Variants in PARD3B observed in about 807,000 individuals in gnomAD.
PARD3B encodes partitioning defective 3 homolog B.
A neutral mutation model predicts 130.2 loss-of-function variants in PARD3B; 103 were observed. The observed-to-expected ratio is 0.79, with a 90% CI of 0.67 to 0.93. The LOEUF is 0.93. Ranked by LOEUF, PARD3B falls within the 40% of genes least tolerant of loss-of-function variation. The pLI, the probability that PARD3B is intolerant of heterozygous loss-of-function variation, is 0.00. For missense variants in PARD3B, 1,609 were observed against 1,499.2 expected, an observed-to-expected ratio of 1.07 and a Z score of -1.21; for synonymous variants, 583 against 553.2, an observed-to-expected ratio of 1.05 and a Z score of -0.76.
intron 2 of PARD3B, among the ~76,000 whole-genome samples, chr2:204,776,660 A>AGGG (rs1445688057): frequency 6.6e-6 from 1 of 151,644 alleles, no homozygotes; most frequent in African/African-American, 2.4e-5. Flanking sequence ...AAACTTGCCT[A>AGGG]CCGTTCTGTG....
At position 205,381,060 on chromosome 2, in the gene PARD3B, G is replaced by GAATATAT. The variant is rs2045405290; in HGVS notation, c.2631-19951_2631-19945dup. Among the ~76,000 whole-genome samples, 4 of 63,620 alleles carry GAATATAT rather than the reference G, an allele frequency of 6.3e-5. No individual in the cohort carries two copies. In the East Asian group the frequency reaches 9.6e-4, roughly 15 times the overall value. The allele number at this position is 63,620 out of a possible 152,430, so 41.7% of individuals were successfully genotyped here. Reference sequence around the variant, plus strand: ...ATAAAGAATATATATTATATATAAAGAATATATATTATATATATTATATAT... The same window carrying GAATATAT: ...ATAAAGAATATATATTATATATAAAGAATATATAATATATATTATATATATTATATAT... On this transcript the variant is annotated intron_variant, in intron 18 of 22. Transcript: ENST00000406610.
At chr2:205,435,393 G>A (rs780155162) in intron 19 of PARD3B, among the ~76,000 whole-genome samples, 2 of 151,898 alleles carry the variant, frequency 1.3e-5, no homozygotes, top group Admixed American at 6.6e-5. Flanking sequence ...AGCACTTTGT[G>A]TGTTTTTCTT....
At chr2:205,395,420 C>A (rs1319941751) in intron 18 of PARD3B, among the ~76,000 whole-genome samples, 2 of 152,174 alleles carry the variant, frequency 1.3e-5, no homozygotes, top group African/African-American at 4.8e-5. Context: ...TCTTTTGCAA[C>A]CACATTCTCT....
At chr2:204,772,391 A>G (rs16836603) in intron 2 of PARD3B, among the ~76,000 whole-genome samples, 2,090 of 152,156 alleles carry the variant, frequency 0.014, 40 homozygotes, top group African/African-American at 0.048. Context: ...GTTTGGAAAA[A>G]AGTCTAATTC....
chr2:205,529,047 C>T (rs2051465634), intron 21 of PARD3B, among the ~76,000 whole-genome samples: 1 of 152,084 alleles, frequency 6.6e-6, no homozygotes, highest in African/African-American at 2.4e-5. Flanking sequence ...AAATTAACTT[C>T]CAACATATTT....
chr2:205,123,433 A>G (rs2030995214), intron 8 of PARD3B, among the ~76,000 whole-genome samples: 1 of 152,100 alleles, frequency 6.6e-6, no homozygotes, highest in Non-Finnish European at 1.5e-5. Flanking sequence ...CATTGGAGCC[A>G]TAGAGATTTA....
chr2:204,760,083 G>A (rs1390909266), intron 2 of PARD3B, among the ~76,000 whole-genome samples: 3 of 152,060 alleles, frequency 2.0e-5, no homozygotes, highest in Non-Finnish European at 4.4e-5. Flanking sequence ...GAGCATTAAA[G>A]TAGCCAAATA....
At chr2:205,588,789 A>G (rs1291292841) in intron 22 of PARD3B, among the ~76,000 whole-genome samples, 1 of 152,240 alleles carries the variant, frequency 6.6e-6, no homozygotes, top group Non-Finnish European at 1.5e-5. Flanking sequence ...TTGCTAGTCC[A>G]TGTCATGGCG....
At chr2:204,737,083 A>G (rs1385839519) in intron 2 of PARD3B, among the ~76,000 whole-genome samples, 1 of 152,056 alleles carries the variant, frequency 6.6e-6, no homozygotes, top group Non-Finnish European at 1.5e-5. Context: ...AGTAGCTGGA[A>G]TTACAGCTAT....
intron 3 of PARD3B, among the ~76,000 whole-genome samples, chr2:205,009,343 G>T (rs913030398): frequency 1.3e-5 from 2 of 152,160 alleles, no homozygotes; most frequent in Admixed American, 1.3e-4. Context: ...AAGAAAGTAT[G>T]TTAATCACAT....
rs1042511655 is a variant in PARD3B at position 204,834,986 on chromosome 2, T to C, written c.223-130166T>C. Among the ~76,000 whole-genome samples the C allele has an allele frequency of 2.6e-5, 4 of 152,338 alleles. No homozygotes were observed. The South Asian group carries it at 8.3e-4, about 32-fold the overall frequency. ...GTCCTAGTGTCACCACTTACCTTGT[T>C]CATTAGACCTGGTACAAGTCACTTA... On this transcript the variant is annotated intron_variant, in intron 2 of 22. Coordinates refer to ENST00000406610, the MANE Select transcript of PARD3B (RefSeq NM_001302769.2).
chr2:204,817,278 A>G (rs2043181314), intron 2 of PARD3B, among the ~76,000 whole-genome samples: 1 of 151,568 alleles, frequency 6.6e-6, no homozygotes, highest in East Asian at 1.9e-4. Context: ...TGGTTGCCAG[A>G]CTATTACCTT....
intron 20 of PARD3B, among the ~76,000 whole-genome samples, chr2:205,468,426 T>C (rs2048708549): frequency 6.6e-6 from 1 of 152,256 alleles, no homozygotes; most frequent in Non-Finnish European, 1.5e-5. Context: ...AAGTCGTGCC[T>C]GTAAAAGATG....
At chr2:205,132,578 G>A (rs370368282) in intron 10 of PARD3B, among the ~76,000 whole-genome samples, 3 of 152,130 alleles carry the variant, frequency 2.0e-5, no homozygotes, top group East Asian at 3.9e-4. Flanking sequence ...GGAACCTTAC[G>A]CAGCTTTCCA....
chr2:204,641,083 A>AT (rs1473657855), intron 1 of PARD3B, among the ~76,000 whole-genome samples: 2 of 148,036 alleles, frequency 1.4e-5, no homozygotes, highest in African/African-American at 2.4e-5. Flanking sequence ...GTATATTACT[A>AT]TATTATATGT....
chr2:205,483,241 T>C (rs2049312317), intron 20 of PARD3B, among the ~76,000 whole-genome samples: 1 of 152,212 alleles, frequency 6.6e-6, no homozygotes, highest in South Asian at 2.1e-4. Flanking sequence ...CTAATAAACA[T>C]TGATGGTGTT....
At chr2:205,434,810 T>A (rs2106140610) in intron 19 of PARD3B, among the ~76,000 whole-genome samples, 1 of 152,068 alleles carries the variant, frequency 6.6e-6, no homozygotes, top group East Asian at 1.9e-4. Flanking sequence ...AGATGCCTTT[T>A]GGTACAGGGT....
intron 15 of PARD3B, among the ~76,000 whole-genome samples, chr2:205,219,960 G>A (rs1013815146): frequency 6.6e-6 from 1 of 152,168 alleles, no homozygotes; most frequent in African/African-American, 2.4e-5. Flanking sequence ...AACTTGGTAG[G>A]TTAGCAAATC....
chr2:204,886,369 A>G lies in PARD3B; in HGVS notation c.223-78783A>G, dbSNP rs146505453. 2.0e-4 allele frequency among the ~76,000 whole-genome samples: 31 copies of G among 152,358 alleles called. No homozygotes were observed. In the East Asian group the frequency reaches 5.6e-3, roughly 28 times the overall value. ...CATTTGACCCTCATTATGAGACATC[A>G]AGAAAGCTGTCACCATTGCCCTAGC... On this transcript the variant is annotated intron_variant, in intron 2 of 22. Coordinates refer to ENST00000406610, the MANE Select transcript of PARD3B (RefSeq NM_001302769.2).
Sources: allele counts gnomAD v4.1 joint callset (sites outside exome capture counted in the v4.1 genomes callset), GRCh38; gene constraint gnomAD v4.1.1; transcripts MANE v1.5; gene names NCBI Gene and HGNC (gene_info 2026-07-23, HGNC 2026-07-21).